DACH2: variants seen among roughly 807,000 people sequenced by gnomAD.
DACH2 encodes dachshund family transcription factor 2.
DACH2 carries 17 observed loss-of-function variants against 35.8 expected under a neutral mutation model. The observed-to-expected ratio is 0.48, with a 90% CI of 0.33 to 0.71. The LOEUF (loss-of-function observed/expected upper bound fraction) is 0.71, where lower values mean the gene tolerates loss of function less well. DACH2 is among the 30% of genes least tolerant of loss of function. The probability of loss-of-function intolerance (pLI) is 0.02; values close to 1 mark genes in which losing one functional copy is unlikely to be tolerated. For missense variants in DACH2, 469 were observed against 472.7 expected, an observed-to-expected ratio of 0.99 and a Z score of 0.07; for synonymous variants, 195 against 177.3, an observed-to-expected ratio of 1.10 and a Z score of -0.79.
At chrX:86,219,222 A>G (rs1027806870) in intron 1 of DACH2, among the ~76,000 whole-genome samples, 1 of 111,431 alleles carries the variant, frequency 9.0e-6, no homozygotes, top group Non-Finnish European at 1.9e-5. Flanking sequence ...TTCACAGAAG[A>G]GGGTTTATGG....
chrX:86,774,351 A>G (rs1363730752), intron 7 of DACH2, among the ~76,000 whole-genome samples: 2 of 112,086 alleles, frequency 1.8e-5, no homozygotes, highest in Non-Finnish European at 3.8e-5. Flanking sequence ...TGTTGAAATA[A>G]TTACTTTTCT....
chrX:86,180,193 T>C (rs1433338216), intron 1 of DACH2, among the ~76,000 whole-genome samples: 2 of 84,404 alleles, frequency 2.4e-5, no homozygotes, highest in African/African-American at 9.1e-5. Flanking sequence ...TATATATATA[T>C]ATATATATAT....
chrX:86,204,413 G>T (rs2032233085), intron 1 of DACH2, among the ~76,000 whole-genome samples: 1 of 111,902 alleles, frequency 8.9e-6, no homozygotes, highest in African/African-American at 3.2e-5. Context: ...ATTGTTGTTT[G>T]GTTGCATTGC....
intron 3 of DACH2, among the ~76,000 whole-genome samples, chrX:86,600,878 G>T (rs2148358483): frequency 9.0e-6 from 1 of 111,251 alleles, no homozygotes; most frequent in Admixed American, 9.6e-5. Context: ...TTCAAGTGGT[G>T]GGAAGTCAGA....
At chrX:86,331,109 G>C (rs2035205050) in intron 1 of DACH2, among the ~76,000 whole-genome samples, 2 of 111,655 alleles carry the variant, frequency 1.8e-5, no homozygotes, top group African/African-American at 6.5e-5. Flanking sequence ...CCTTGTATTT[G>C]AACTTGGAAA....
At chrX:86,820,425 G>A (rs1019227956) in intron 11 of DACH2, among the ~76,000 whole-genome samples, 1 of 110,382 alleles carries the variant, frequency 9.1e-6, no homozygotes, top group African/African-American at 3.3e-5. Context: ...ACATGTGAAA[G>A]GAAACCAAAA....
intron 1 of DACH2, among the ~76,000 whole-genome samples, chrX:86,268,592 T>C (rs966256038): frequency 1.8e-5 from 2 of 108,974 alleles, no homozygotes; most frequent in African/African-American, 6.7e-5. Context: ...TGGAGTGCAG[T>C]GGTGAGATCT....
chrX:86,580,795 G>A (rs745677665), intron 3 of DACH2, among the ~76,000 whole-genome samples: 1 of 111,874 alleles, frequency 8.9e-6, no homozygotes, highest in Non-Finnish European at 1.9e-5. Context: ...GAGAAAATAA[G>A]CAACGTGGAA....
chrX:86,523,943 A>G (rs1368767840), intron 3 of DACH2, among the ~76,000 whole-genome samples: 2 of 111,598 alleles, frequency 1.8e-5, no homozygotes, highest in East Asian at 2.8e-4. Flanking sequence ...GTTTCTTTAC[A>G]TTAATTTTAC....
At chrX:86,815,850 T>C (rs774794403) in intron 10 of DACH2, among the ~76,000 whole-genome samples, 184 bp from the exon 11 acceptor site, 1 of 109,354 alleles carries the variant, frequency 9.1e-6, no homozygotes, top group South Asian at 3.9e-4. Flanking sequence ...AATTGTAAAA[T>C]TCAGCTGCAG....
chrX:86,264,658 A>G (rs2203003), intron 1 of DACH2, among the ~76,000 whole-genome samples: 31,067 of 110,692 alleles, frequency 0.28, 3,266 homozygotes, highest in East Asian at 0.38. Flanking sequence ...TTGTCTTACA[A>G]TTGAACCAAC....
chrX:86,453,754 G>T (rs1276046176), intron 2 of DACH2, among the ~76,000 whole-genome samples: 1 of 111,374 alleles, frequency 9.0e-6, no homozygotes, highest in Non-Finnish European at 1.9e-5. Context: ...GTGGGTCTTG[G>T]TTCTTTATCC....
intron 3 of DACH2, among the ~76,000 whole-genome samples, chrX:86,595,923 C>A (rs1412870734): frequency 9.0e-6 from 1 of 110,796 alleles, no homozygotes; most frequent in East Asian, 2.8e-4. Flanking sequence ...TAGTCCCTGC[C>A]TGTTGTTACC....
intron 1 of DACH2, among the ~76,000 whole-genome samples, chrX:86,290,864 C>A (rs1240861625): frequency 9.5e-6 from 1 of 104,816 alleles, no homozygotes; most frequent in African/African-American, 3.6e-5. Context: ...TGTGATGCCT[C>A]CAGCTTTGTT....
chrX:86,516,145 G>T (rs1462821068), intron 3 of DACH2, among the ~76,000 whole-genome samples: 2 of 111,694 alleles, frequency 1.8e-5, no homozygotes, highest in African/African-American at 3.3e-5. Flanking sequence ...AACAAATTCT[G>T]ATATAAGAGA....
intron 2 of DACH2, among the ~76,000 whole-genome samples, chrX:86,419,802 G>A (rs2036772409): frequency 9.0e-6 from 1 of 111,596 alleles, no homozygotes; most frequent in Non-Finnish European, 1.9e-5. Flanking sequence ...CTTGAATTGA[G>A]GTGAGGATGC....
chrX:86,609,477 A>C (rs768777662), intron 3 of DACH2, among the ~76,000 whole-genome samples: 1 of 112,171 alleles, frequency 8.9e-6, no homozygotes, highest in African/African-American at 3.2e-5. Flanking sequence ...TGCCTTATTT[A>C]ATTCAATTTG....
intron 2 of DACH2, among the ~76,000 whole-genome samples, chrX:86,467,113 C>A (rs183012412): frequency 2.7e-5 from 3 of 112,002 alleles, no homozygotes; most frequent in East Asian, 5.6e-4. Context: ...ATGAGTTTTT[C>A]TTTTCTATCA....
rs2040441901 is a variant in DACH2 at position 86,648,649 on chromosome X, G to A, written c.641-2387G>A. Among the ~76,000 whole-genome samples, 3 of 110,928 alleles carry A rather than the reference G, an allele frequency of 2.7e-5. No individual in the cohort carries two copies. In the South Asian group the frequency reaches 1.1e-3, roughly 41 times the overall value. On this transcript the variant is annotated intron_variant, in intron 3 of 11. Transcript: ENST00000373125. Reference sequence around the variant, plus strand: ...GATTTAAGAGTTTCATAAGCTTAAAGTCACTGCAATTATGGTATAAATTAT... The same window carrying A: ...GATTTAAGAGTTTCATAAGCTTAAAATCACTGCAATTATGGTATAAATTAT...
Sources: allele counts gnomAD v4.1 joint callset (sites outside exome capture counted in the v4.1 genomes callset), GRCh38; gene constraint gnomAD v4.1.1; transcripts MANE v1.5; gene names NCBI Gene and HGNC (gene_info 2026-07-23, HGNC 2026-07-21).